ZNF394: variants seen among roughly 807,000 people sequenced by gnomAD.
ZNF394 encodes zinc finger protein 394.
In ZNF394, 19 loss-of-function variants were observed where a neutral mutation model predicts 21.8. That is an observed-to-expected ratio of 0.87 (90% CI 0.61 to 1.28). The LOEUF (loss-of-function observed/expected upper bound fraction) is 1.28, where lower values mean the gene tolerates loss of function less well. Among genes scored for constraint, ZNF394 ranks in the 50% most tolerant of loss-of-function variants. The pLI is 0.00. For synonymous variants in ZNF394, 294 were observed against 273.3 expected, an observed-to-expected ratio of 1.08 and a Z score of -0.75; for missense variants, 683 against 708.6, an observed-to-expected ratio of 0.96 and a Z score of 0.41.
At chr7:99,487,916 C>A (rs992675359) in intron 1 of ZNF394, among the ~76,000 whole-genome samples, 6 of 151,640 alleles carry the variant, frequency 4.0e-5, no homozygotes, top group Non-Finnish European at 7.4e-5. Flanking sequence ...ACTAAAAAAT[C>A]AAAAAATTAG....
chr7:99,490,641 T>TAA (rs140941296), downstream of ZNF394, among the ~76,000 whole-genome samples: 1 of 142,548 alleles, frequency 7.0e-6, no homozygotes, highest in Non-Finnish European at 1.5e-5. Flanking sequence ...TTTTTTTTTT[T>TAA]AAAAAAAAAG....
chr7:99,496,026 A>AT (rs1800297158), intron 2 of ZNF394, among the ~76,000 whole-genome samples: 1 of 152,120 alleles, frequency 6.6e-6, no homozygotes, highest in African/African-American at 2.4e-5. Context: ...GGTTCAAGTG[A>AT]TTCTCCTGCC....
Position 99,493,831 on chromosome 7 carries a change from G to A in ZNF394, c.1384C>T (p.Leu462=), listed in dbSNP as rs1261999468. ...HISNLFRHQR[L]HKGERPYKCE... The stretch of plus-strand genomic sequence containing the variant: ...TTATAGGGTCTTTCCCCTTTATGTA[G>A]TCTCTGATGTCTAAAAAGGTTGGAA... Residue 462 remains leucine (L), a synonymous_variant, in exon 3 of 3, where the codon CTA becomes TTA. Transcript: ENST00000337673. 7.4e-6 allele frequency: 12 copies of A among 1,614,052 alleles called. No individual in the cohort carries two copies. The highest frequency in any genetic ancestry group is 1.3e-5 in the African/African-American group (1 of 74,982).
downstream of ZNF394, among the ~76,000 whole-genome samples, chr7:99,492,378 G>T (rs183001568): frequency 6.6e-6 from 1 of 152,072 alleles, no homozygotes; most frequent in East Asian, 1.9e-4. Flanking sequence ...ATGGTGGCTC[G>T]TGTGTAATCC....
At chr7:99,497,328 C>T (rs1023670217) in intron 2 of ZNF394, among the ~76,000 whole-genome samples, 1 of 150,574 alleles carries the variant, frequency 6.6e-6, no homozygotes, top group Admixed American at 6.6e-5. Flanking sequence ...GCGCCTGCCA[C>T]CACGCCTGGC....
chr7:99,497,892 C>T (rs1297764683), intron 2 of ZNF394: 2 of 152,054 alleles, frequency 1.3e-5, no homozygotes, highest in South Asian at 2.1e-4. Flanking sequence ...AGATAAAAAA[C>T]GAAAAACAAA....
Position 99,500,249 on chromosome 7 carries a change from G to A in ZNF394, c.-156C>T, listed in dbSNP as rs967959792. 2.4e-5 allele frequency: 16 copies of A among 657,454 alleles called. No individual in the cohort carries two copies. The highest frequency in any genetic ancestry group is 3.1e-5 in the East Asian group (1 of 32,026). The allele number at this position is 657,454 out of a possible 1,614,324, so 40.7% of individuals were successfully genotyped here. On this transcript the variant is annotated 5_prime_UTR_variant, in exon 1 of 3. Coordinates refer to ENST00000337673, the MANE Select transcript of ZNF394 (RefSeq NM_032164.4). ...CACACTCTCCTTTCCTCAGCTTTGC[G>A]CCTACAACTCTCTCGGTCAAACAAC...
In ZNF394 at chr7:99,486,850, G is replaced by A. The variant is rs1462700554; in HGVS notation, n.197C>T. 1.9e-6 allele frequency: 3 copies of A among 1,614,046 alleles called. No individual in the cohort carries two copies. In the African/African-American group the frequency reaches 4.0e-5, roughly 22 times the overall value. On this transcript the variant is annotated non_coding_transcript_exon_variant, in exon 2 of 2. Coordinates refer to the ZNF394 transcript ENST00000462024. ...ATGTGGAAAAGTCATTAGGCGTAAGGCATGGTTTGATCAACATCAAAGAAT... is the reference window on the plus strand; with the variant it reads ...ATGTGGAAAAGTCATTAGGCGTAAGACATGGTTTGATCAACATCAAAGAAT...
intron 2 of ZNF394, 22 bp downstream of exon 2, chr7:99,498,694 C>G (rs773004223): frequency 1.9e-6 from 3 of 1,613,658 alleles, no homozygotes; most frequent in Non-Finnish European, 8.5e-7. Flanking sequence ...CCGCAATAAA[C>G]CAGCAGAGCA....
In ZNF394 at chr7:99,500,164, C is replaced by G; in HGVS notation, c.-71G>C. The G allele has an allele frequency of 6.9e-7, 1 of 1,455,668 alleles. No individual in the cohort carries two copies. Among genetic ancestry groups the G allele is most frequent in the Non-Finnish European group, 9.1e-7 (1 of 1,099,776 alleles). 90.2% of individuals were successfully genotyped at this position (1,455,668 alleles called of 1,614,324 possible). On this transcript the variant is annotated 5_prime_UTR_variant, in exon 1 of 3. An upstream start codon of the reference 5' UTR is lost. Coordinates refer to ENST00000337673, the MANE Select transcript of ZNF394 (RefSeq NM_032164.4). ...GAAGAAAGAGCAAACCCAAGGAACT[C>G]ATCAGCCGTCAACACCCTCCGGTCC...
At chr7:99,492,414 C>T (rs140958734), downstream of ZNF394, among the ~76,000 whole-genome samples, 5,648 of 151,284 alleles carry the variant, frequency 0.037, 114 homozygotes, top group Admixed American at 0.048. Context: ...CTGAGGTGGG[C>T]GGACTGCCTG....
At chr7:99,497,122 G>GTGTGTGTGTGTATATATATATATA (rs1322382800) in intron 2 of ZNF394, among the ~76,000 whole-genome samples, 1 of 79,466 alleles carries the variant, frequency 1.3e-5, no homozygotes, top group African/African-American at 7.4e-5. Flanking sequence ...GTGTGTGTGT[G>GTGTGTGTGTGTATATATATATATA]TATATATATA....
intron 2 of ZNF394, chr7:99,498,503 T>C: frequency 1.9e-6 from 1 of 516,646 alleles, no homozygotes; most frequent in South Asian, 2.6e-5. Flanking sequence ...CTTTTTTTTA[T>C]ATAGTTTTCT....
intron 2 of ZNF394, chr7:99,498,446 T>C (rs961875535): frequency 3.0e-6 from 1 of 336,236 alleles, no homozygotes. Flanking sequence ...TGGCCAAGTA[T>C]TAAGATCTGA....
intron 2 of ZNF394, among the ~76,000 whole-genome samples, chr7:99,497,332 G>A (rs957292851): frequency 4.1e-4 from 62 of 150,188 alleles, no homozygotes; most frequent in African/African-American, 1.4e-3. Flanking sequence ...CTGCCACCAC[G>A]CCTGGCTAAT....
In ZNF394 at chr7:99,500,171, C is replaced by T; in HGVS notation, c.-78G>A. Reference sequence around the variant, plus strand: ...GAGCAAACCCAAGGAACTCATCAGCCGTCAACACCCTCCGGTCCCAAACAC... The same window carrying T: ...GAGCAAACCCAAGGAACTCATCAGCTGTCAACACCCTCCGGTCCCAAACAC... On this transcript the variant is annotated 5_prime_UTR_variant, in exon 1 of 3. Coordinates refer to ENST00000337673, the MANE Select transcript of ZNF394 (RefSeq NM_032164.4). The T allele has an allele frequency of 5.0e-6, 7 of 1,413,738 alleles. No individual in the cohort carries two copies. Among genetic ancestry groups the T allele is most frequent in the East Asian group, 4.7e-5 (2 of 42,218 alleles). 87.6% of individuals were successfully genotyped at this position (1,413,738 alleles called of 1,614,324 possible).
rs1161109705 is a variant in ZNF394, at chr7:99,493,621, C to A, written c.1594G>T (p.Glu532Ter). The change falls in exon 3 of 3, where the codon GAA (glutamate) becomes TAA (stop). Residue 532 changes from glutamate (E) to a stop codon, truncating the protein, a stop_gained. Transcript: ENST00000337673. LOFTEE classifies it low-confidence loss of function (END_TRUNC). ...AGGTGTGTACTTTGTCTAAATCTTT[C>A]CCCACATTCAAGACATTTGTAAGGC... is the stretch of plus-strand genomic sequence containing the variant. ...EKPYKCLECG[E>*]RFRQSTHLIR... is the part of the protein sequence containing the mutation. 3.7e-6 allele frequency: 6 copies of A among 1,614,032 alleles called. No individual in the cohort carries two copies. The highest frequency in any genetic ancestry group is 5.1e-6 in the Non-Finnish European group (6 of 1,180,038).
rs1289326697 is a variant in ZNF394 at position 99,494,402 on chromosome 7, A to T, written c.813T>A (p.Asn271Lys). The change falls in exon 3 of 3, where the codon AAT becomes AAA. Residue 271 changes from asparagine to lysine, a missense_variant. Asn to Lys is a moderately conservative substitution (Grantham distance 94). This residue lies in a region of ZNF394 where 402 missense variants were observed against 373.8 expected (regional missense o/e 1.08). Coordinates refer to ENST00000337673, the MANE Select transcript of ZNF394 (RefSeq NM_032164.4). ...AEGLNSISDVNKNGSIEGEDS... is the reference protein window; with the variant it reads ...AEGLNSISDVKKNGSIEGEDS... ...CTTCCCCTTCTATGGAACCATTCTTATTGACATCTGAGATGCTGTTGAGTC... is the reference window on the plus strand; with the variant it reads ...CTTCCCCTTCTATGGAACCATTCTTTTTGACATCTGAGATGCTGTTGAGTC... 6.2e-7 allele frequency: 1 copy of T among 1,614,094 alleles called. No individual in the cohort carries two copies. Among genetic ancestry groups the T allele is most frequent in the Admixed American group, 1.7e-5 (1 of 59,992 alleles).
chr7:99,497,388 GC>G (rs1309990964), intron 2 of ZNF394, among the ~76,000 whole-genome samples: 1 of 150,392 alleles, frequency 6.6e-6, no homozygotes, highest in African/African-American at 2.5e-5. Context: ...CACCGTGTTA[GC>G]CAGGATAGTC....
Sources: allele counts gnomAD v4.1 joint callset (sites outside exome capture counted in the v4.1 genomes callset), GRCh38; gene constraint gnomAD v4.1.1; regional missense constraint gnomAD v4.1.1; transcripts MANE v1.5; gene names NCBI Gene and HGNC (gene_info 2026-07-23, HGNC 2026-07-21).